The following GTF3C5 variants were observed in gnomAD, a reference collection of about 807,000 sequenced individuals.
GTF3C5 encodes the protein general transcription factor 3C polypeptide 5.
A neutral mutation model predicts 61.0 loss-of-function variants in GTF3C5; 47 were observed. That is an observed-to-expected ratio of 0.77 (90% CI 0.61 to 0.98). The LOEUF is 0.98. Among genes scored for constraint, GTF3C5 ranks in the 50% least tolerant of loss-of-function variants. The pLI is 0.00. For missense variants in GTF3C5, 659 were observed against 703.3 expected (o/e 0.94, Z 0.71); for synonymous variants, 295 against 275.4 (o/e 1.07, Z -0.71).
At chr9:133,041,631 A>G (rs12553972) in intron 1 of GTF3C5, among the ~76,000 whole-genome samples, 16,946 of 152,186 alleles carry the variant, frequency 0.11, 1,472 homozygotes, top group East Asian at 0.33. Flanking sequence ...TGGGGCCACT[A>G]CCGGTCCCCG....
intron 4 of GTF3C5, 164 bp from the exon 5 acceptor site, chr9:133,051,896 A>C: frequency 2.1e-6 from 1 of 474,796 alleles, no homozygotes; most frequent in Non-Finnish European, 3.7e-6. Flanking sequence ...GGGATGAATT[A>C]GTGAGAGCAG....
At position 133,056,074 on chromosome 9, in the gene GTF3C5, A is replaced by G; in HGVS notation, c.1230A>G (p.Leu410=). 7.4e-6 allele frequency: 12 copies of G among 1,614,068 alleles called. No homozygotes were observed. The highest frequency in any genetic ancestry group is 1.0e-5 in the Non-Finnish European group (12 of 1,179,946). The change falls in exon 9 of 11, where the codon TTA becomes TTG. Residue 410 remains leucine (L), a synonymous_variant. Transcript: ENST00000372097. ...LPPYRQMFYQ[L]CDLNVEELQK... is the part of the protein sequence containing the mutation. Reference sequence around the variant, plus strand: ...CCTATCGGCAGATGTTCTACCAGTTATGCGACTTGAATGTGGAAGAGTACG... The same window carrying G: ...CCTATCGGCAGATGTTCTACCAGTTGTGCGACTTGAATGTGGAAGAGTACG...
chr9:133,032,981 G>C lies in GTF3C5; in HGVS notation c.153+1817G>C, dbSNP rs114359891. 5.2e-3 allele frequency among the ~76,000 whole-genome samples: 788 copies of C among 152,280 alleles called. 8 individuals are homozygous for C. The highest frequency in any genetic ancestry group is 0.018 in the African/African-American group (739 of 41,530). On this transcript the variant is annotated intron_variant, in intron 1 of 10. Coordinates refer to ENST00000372097, the MANE Select transcript of GTF3C5 (RefSeq NM_012087.4). ...ACACAAACGCCACCCCTCTCTGCTA[G>C]TATCATTTCTAATGCTATTCTATTT...
At chr9:133,051,490 G>A (rs1040573690) in intron 4 of GTF3C5, among the ~76,000 whole-genome samples, 1 of 152,238 alleles carries the variant, frequency 6.6e-6, no homozygotes, top group South Asian at 2.1e-4. Context: ...GGGAGACCAC[G>A]TGGATGTCTT....
intron 10 of GTF3C5, among the ~76,000 whole-genome samples, 178 bp downstream of exon 10, chr9:133,057,086 C>G (rs1358483762): frequency 6.6e-6 from 1 of 152,218 alleles, no homozygotes; most frequent in Non-Finnish European, 1.5e-5. Context: ...TGGCATCACC[C>G]CAGCTGCCCA....
At chr9:133,056,333 C>G (rs1187376103) in intron 9 of GTF3C5, among the ~76,000 whole-genome samples, 1 of 152,210 alleles carries the variant, frequency 6.6e-6, no homozygotes. Flanking sequence ...TGTCCTTGCT[C>G]CTCTTCCACT....
At chr9:133,030,981 G>A (rs779168832), upstream of GTF3C5, 1 of 1,611,216 alleles carries the variant, frequency 6.2e-7, no homozygotes, top group East Asian at 2.2e-5. Flanking sequence ...TTGTGGGACG[G>A]ACCCTGGCGG....
intron 3 of GTF3C5, among the ~76,000 whole-genome samples, chr9:133,045,219 G>A (rs3789257): frequency 0.029 from 4,472 of 152,298 alleles, 73 homozygotes; most frequent in East Asian, 0.066. Flanking sequence ...TCCCTGTGCA[G>A]CAGCGCTGTG....
intron 2 of GTF3C5, among the ~76,000 whole-genome samples, chr9:133,042,726 G>A (rs760086832): frequency 2.0e-5 from 3 of 152,140 alleles, no homozygotes; most frequent in Non-Finnish European, 2.9e-5. Flanking sequence ...CAGGTTGAAC[G>A]TCCCTCGTGG....
chr9:133,056,749 C>T lies in GTF3C5; in HGVS notation c.1251-17C>T. 1 of 1,583,256 alleles carries T rather than the reference C, an allele frequency of 6.3e-7. No individual in the cohort carries two copies. Among genetic ancestry groups the T allele is most frequent in the South Asian group, 1.2e-5 (1 of 86,448 alleles). On this transcript the variant is annotated splice_polypyrimidine_tract_variant and intron_variant, in intron 9 of 10. Transcript: ENST00000372097. Reference sequence around the variant, plus strand: ...CCGCCCTGGGACTTTATGTCCCAACCCTCTCCCCACCCCCAGGTTGCAGAA... The same window carrying T: ...CCGCCCTGGGACTTTATGTCCCAACTCTCTCCCCACCCCCAGGTTGCAGAA...
At chr9:133,044,046 G>A (rs1337807077) in intron 3 of GTF3C5, 120 bp downstream of exon 3, 3 of 702,558 alleles carry the variant, frequency 4.3e-6, no homozygotes, top group East Asian at 2.8e-5. Context: ...TCGGGAGGCT[G>A]AGGCTGGAGA....
At chr9:133,054,516 T>A (rs1470034105) in intron 7 of GTF3C5, 28 bp downstream of exon 7, 3 of 1,603,784 alleles carry the variant, frequency 1.9e-6, no homozygotes, top group Non-Finnish European at 2.6e-6. Context: ...CTTTTGTGGG[T>A]CATGAGTGAT....
intron 3 of GTF3C5, among the ~76,000 whole-genome samples, chr9:133,049,234 C>G (rs544815304): frequency 1.3e-4 from 20 of 152,320 alleles, no homozygotes; most frequent in African/African-American, 3.6e-4. Flanking sequence ...CCAAGGCTGC[C>G]GCAGCCTCTC....
chr9:133,056,982 G>A (rs1378437412), intron 10 of GTF3C5, 74 bp downstream of exon 10: 2 of 1,390,294 alleles, frequency 1.4e-6, no homozygotes, highest in Non-Finnish European at 1.9e-6. Flanking sequence ...TCCCTAAGGG[G>A]ACCCATTCCT....
At chr9:133,053,973 C>T (rs1829838460) in intron 6 of GTF3C5, 31 bp downstream of exon 6, 1 of 1,221,646 alleles carries the variant, frequency 8.2e-7, no homozygotes, top group Admixed American at 1.8e-5. Flanking sequence ...TGCTTCCTGC[C>T]TTTCTCTCTC....
intron 2 of GTF3C5, among the ~76,000 whole-genome samples, chr9:133,042,686 T>C (rs1417846287): frequency 1.3e-5 from 2 of 152,210 alleles, no homozygotes; most frequent in Non-Finnish European, 2.9e-5. Context: ...CCGAAGCCCC[T>C]TGGGACCTCC....
intron 2 of GTF3C5, among the ~76,000 whole-genome samples, chr9:133,043,512 C>G (rs1189164565): frequency 6.6e-6 from 1 of 152,162 alleles, no homozygotes; most frequent in Admixed American, 6.5e-5. Context: ...ATGTAGCTCC[C>G]CACCTCCCCA....
At position 133,039,330 on chromosome 9, in the gene GTF3C5, C is replaced by T. The variant is rs541456678; in HGVS notation, c.154-2757C>T. On this transcript the variant is annotated intron_variant, in intron 1 of 10. Transcript: ENST00000372097. ...AAGGAAAAAAAAATTTACTGTCTCT[C>T]GTCCTCTTGACCCTAAGACTGTCAA... Among the ~76,000 whole-genome samples, 5 of 152,342 alleles carry T rather than the reference C, an allele frequency of 3.3e-5. No homozygotes were observed. The East Asian group carries it at 7.7e-4, about 23-fold the overall frequency.
intron 3 of GTF3C5, among the ~76,000 whole-genome samples, chr9:133,049,274 C>G (rs1467198296): frequency 6.6e-6 from 1 of 152,238 alleles, no homozygotes; most frequent in Non-Finnish European, 1.5e-5. Context: ...GTGGGCTGCT[C>G]TTGCAGGTGA....
Sources: gnomAD v4.1 joint callset for allele counts (sites outside exome capture counted in the v4.1 genomes callset) on GRCh38, gnomAD v4.1.1 for gene constraint, MANE v1.5 for transcripts, NCBI Gene and HGNC (gene_info 2026-07-23, HGNC 2026-07-21) for gene names.